Variants in AQP7 observed in about 807,000 individuals in gnomAD.
AQP7 encodes aquaporin 7.
A neutral mutation model predicts 26.1 loss-of-function variants in AQP7; 22 were observed. That is an observed-to-expected ratio of 0.84 (90% CI 0.60 to 1.20). AQP7 has a LOEUF of 1.20. Ranked by LOEUF, AQP7 falls within the 50% of genes most tolerant of loss-of-function variation. The pLI is 0.00. For missense variants in AQP7, 412 were observed against 457.5 expected (o/e 0.90, Z 0.91); for synonymous variants, 167 against 181.7 (o/e 0.92, Z 0.65).
intron 3 of AQP7, among the ~76,000 whole-genome samples, chr9:33,388,707 G>T (rs914348038): frequency 5.9e-5 from 9 of 152,184 alleles, no homozygotes; most frequent in Admixed American, 5.9e-4. Context: ...GTAATCTGAA[G>T]CTTAGAGAAC....
At chr9:33,386,674 A>G (rs1478687042) in intron 4 of AQP7, 133 bp from the exon 5 acceptor site, 106 of 1,268,104 alleles carry the variant, frequency 8.4e-5, no homozygotes, top group Admixed American at 1.2e-4. Flanking sequence ...AGCCCTCACA[A>G]CCACCCCGTG....
chr9:33,396,397 C>A (rs1165336166), intron 2 of AQP7, among the ~76,000 whole-genome samples: 11 of 145,236 alleles, frequency 7.6e-5, no homozygotes, highest in Non-Finnish European at 1.0e-4. Flanking sequence ...GAGATCTTGC[C>A]ACTGCACTCC....
In AQP7 at chr9:33,385,124, T is replaced by A. The variant is rs751738116; in HGVS notation, c.910A>T (p.Met304Leu). Residue 304 changes from methionine to leucine, a missense_variant, in exon 8 of 8, where the codon ATG becomes TTG. By Grantham distance (15) the Met-to-Leu change is conservative. Coordinates refer to ENST00000297988, the MANE Select transcript of AQP7 (RefSeq NM_001170.3). ...EDHGITVLPK[M>L]GSHEPTISPL... ...GAGATCGTGGGTTCATGAGATCCCA[T>A]CTTGGGCAATACGGTTATCCCGTGG... The A allele has an allele frequency of 3.7e-6, 6 of 1,611,830 alleles. No homozygotes were observed. The Admixed American group carries it at 8.3e-5, about 22-fold the overall frequency.
intron 3 of AQP7, among the ~76,000 whole-genome samples, chr9:33,387,535 AACACACACAC>A (rs368909443): frequency 4.0e-5 from 6 of 150,180 alleles, no homozygotes; most frequent in East Asian, 4.0e-4. Context: ...TCCCTGCACA[AACACACACAC>A]ACACACTCCA....
chr9:33,391,436 AC>A (rs1387349991), intron 3 of AQP7: 2 of 271,984 alleles, frequency 7.4e-6, no homozygotes, highest in Admixed American at 4.3e-5. Context: ...GTGATCTACA[AC>A]CCTTGCCCCG....
intron 2 of AQP7, among the ~76,000 whole-genome samples, chr9:33,397,486 C>T (rs62544581): frequency 3.3e-5 from 5 of 151,422 alleles, no homozygotes; most frequent in African/African-American, 7.3e-5. Flanking sequence ...GTGGATTATC[C>T]GCGCAACTCT....
intron 2 of AQP7, among the ~76,000 whole-genome samples, chr9:33,399,515 C>A (rs577658447): frequency 6.6e-6 from 1 of 151,822 alleles, no homozygotes; most frequent in Admixed American, 6.6e-5. Flanking sequence ...ACATGAGAAT[C>A]GCTTGAACCC....
In AQP7 at chr9:33,386,094, G is replaced by A. The variant is rs1412196070; in HGVS notation, c.508C>T (p.Arg170Trp). ...CCACTGACCTCATTCAGGAAGCCCCGCCACAATGTCATGTGATCAGGAAGG... is the reference window on the plus strand; with the variant it reads ...CCACTGACCTCATTCAGGAAGCCCCACCACAATGTCATGTGATCAGGAAGG... ...TYLPDHMTLW[R>W]GFLNEAWLTG... Residue 170 changes from arginine to tryptophan, a missense_variant, in exon 6 of 8, where the codon CGG becomes TGG. By Grantham distance (101) the Arg-to-Trp change is moderately radical. Coordinates refer to ENST00000297988, the MANE Select transcript of AQP7 (RefSeq NM_001170.3). 2.7e-5 allele frequency: 44 copies of A among 1,613,372 alleles called. No individual in the cohort carries two copies. The highest frequency in any genetic ancestry group is 1.8e-4 in the Middle Eastern group (1 of 5,692).
intron 2 of AQP7, among the ~76,000 whole-genome samples, chr9:33,398,111 C>G (rs1825982379): frequency 6.6e-6 from 1 of 151,852 alleles, no homozygotes; most frequent in South Asian, 2.1e-4. Flanking sequence ...AGGAGGCTCC[C>G]AGAGAAAGGG....
Position 33,385,177 on chromosome 9 carries a change from T to G in AQP7, c.857A>C (p.Lys286Thr), listed in dbSNP as rs770308564. The change falls in exon 8 of 8, where the codon AAA becomes ACA. Residue 286 changes from lysine (K) to threonine (T), a missense_variant. Transcript: ENST00000297988. ...IGSTIPREPL[K>T]LEDSVAYEDH... ...TTCATACGCCACAGAATCCTCCAAT[T>G]TCAGGGGCTCCCGTGGGATGGTGGA... 1.9e-6 allele frequency: 3 copies of G among 1,611,818 alleles called. No homozygotes were observed. The highest frequency in any genetic ancestry group is 2.2e-5 in the South Asian group (2 of 90,974).
chr9:33,400,692 C>G (rs1826201604), intron 2 of AQP7, among the ~76,000 whole-genome samples: 1 of 152,028 alleles, frequency 6.6e-6, no homozygotes, highest in African/African-American at 2.4e-5. Context: ...GTAATCACAG[C>G]TACTCAGGAG....
chr9:33,388,529 A>T (rs999768210), intron 3 of AQP7, among the ~76,000 whole-genome samples: 3 of 152,190 alleles, frequency 2.0e-5, no homozygotes, highest in African/African-American at 7.2e-5. Context: ...TGCCTGTTTC[A>T]TATCTGCCCC....
rs907081136 is a variant in AQP7, at chr9:33,384,122, GC to G, written c.*882del. Reference sequence around the variant, plus strand: ...CAGGCAACAGAGTGATTCCTGCCTGGCCCCAGGGTCAGTGGATCCTGGCCCC... The same window carrying G: ...CAGGCAACAGAGTGATTCCTGCCTGGCCCAGGGTCAGTGGATCCTGGCCCC... On this transcript the variant is annotated 3_prime_UTR_variant, in exon 8 of 8. Coordinates refer to ENST00000297988, the MANE Select transcript of AQP7 (RefSeq NM_001170.3). 3 of 152,176 alleles carry G rather than the reference GC, an allele frequency of 2.0e-5. No homozygotes were observed. Among genetic ancestry groups the G allele is most frequent in the African/African-American group, 7.2e-5 (3 of 41,428 alleles). 9.4% of individuals were successfully genotyped at this position (152,176 alleles called of 1,614,324 possible).
At chr9:33,399,075 A>C (rs888692202) in intron 2 of AQP7, among the ~76,000 whole-genome samples, 8 of 148,400 alleles carry the variant, frequency 5.4e-5, no homozygotes, top group Non-Finnish European at 1.2e-4. Context: ...CCAGGGTTCA[A>C]GCAATCCTCC....
rs1275423935 is a variant in AQP7, at chr9:33,396,479, A to G, written c.27-1284T>C. ...AAAAAAAGAGGAAGAAGAGGGATAC[A>G]GATACCTCTAAGTGTGGCCTTAGTC... On this transcript the variant is annotated intron_variant, in intron 2 of 7. Coordinates refer to ENST00000297988, the MANE Select transcript of AQP7 (RefSeq NM_001170.3). 2.7e-5 allele frequency among the ~76,000 whole-genome samples: 4 copies of G among 146,738 alleles called. No homozygotes were observed. In the Admixed American group the frequency reaches 2.7e-4, roughly 10 times the overall value.
chr9:33,386,785 G>A (rs891942693), intron 4 of AQP7, among the ~76,000 whole-genome samples, 184 bp downstream of exon 4: 1 of 152,206 alleles, frequency 6.6e-6, no homozygotes, highest in Non-Finnish European at 1.5e-5. Context: ...GGTAGGTCGG[G>A]GGGCCCAGGA....
intron 3 of AQP7, among the ~76,000 whole-genome samples, chr9:33,391,066 C>T (rs1292762982): frequency 6.6e-6 from 1 of 152,110 alleles, no homozygotes; most frequent in Non-Finnish European, 1.5e-5. Context: ...GAGATCACAC[C>T]ACTGCACTCC....
At position 33,386,500 on chromosome 9, in the gene AQP7, G is replaced by A; in HGVS notation, c.310C>T (p.Leu104=). Residue 104 remains leucine (L), a synonymous_variant, in exon 5 of 8, where the codon CTG becomes TTG. Transcript: ENST00000297988. The part of the protein sequence containing the change: ...NAAVTFANCA[L]GRVPWRKFPV... ...AACTTCCTCCAGGGCACGCGGCCCA[G>A]CGCACAGTTAGCAAAGGTCACAGCT... 1 of 1,612,640 alleles carries A rather than the reference G, an allele frequency of 6.2e-7. No homozygotes were observed. Among genetic ancestry groups the A allele is most frequent in the South Asian group, 1.1e-5 (1 of 90,646 alleles).
chr9:33,396,108 T>C (rs1825826627), intron 2 of AQP7, among the ~76,000 whole-genome samples: 1 of 151,704 alleles, frequency 6.6e-6, no homozygotes, highest in Admixed American at 6.6e-5. Flanking sequence ...GGACTGGAGT[T>C]TGGGGAAGGT....
Sources: gnomAD v4.1 joint callset for allele counts (sites outside exome capture counted in the v4.1 genomes callset) on GRCh38, gnomAD v4.1.1 for gene constraint, MANE v1.5 for transcripts, NCBI Gene and HGNC (gene_info 2026-07-23, HGNC 2026-07-21) for gene names.